GALNT17: variants seen among roughly 807,000 people sequenced by gnomAD.
GALNT17 encodes polypeptide N-acetylgalactosaminyltransferase 17.
In GALNT17, 29 loss-of-function variants were observed where a neutral mutation model predicts 63.7. That is an observed-to-expected ratio of 0.46 (90% CI 0.34 to 0.62). GALNT17 has a LOEUF of 0.62. Ranked by LOEUF, GALNT17 falls within the 20% of genes least tolerant of loss-of-function variation. The pLI, the probability that GALNT17 is intolerant of heterozygous loss-of-function variation, is 0.01. For synonymous variants in GALNT17, 305 were observed against 318.3 expected (o/e 0.96, Z 0.45); for missense variants, 603 against 799.6 (o/e 0.75, Z 2.97).
chr7:71,693,176 T>C (rs1454703372), intron 9 of GALNT17, among the ~76,000 whole-genome samples: 1 of 149,636 alleles, frequency 6.7e-6, no homozygotes, highest in Non-Finnish European at 1.5e-5. Flanking sequence ...TATACTATAA[T>C]ATAAATAGTG....
At chr7:71,173,682 A>C (rs1585857212) in intron 1 of GALNT17, among the ~76,000 whole-genome samples, 2 of 151,890 alleles carry the variant, frequency 1.3e-5, no homozygotes, top group African/African-American at 4.9e-5. Context: ...CTGAGGCAGG[A>C]GGATCGCTTG....
At chr7:71,667,756 G>T (rs2117050963) in intron 7 of GALNT17, among the ~76,000 whole-genome samples, 1 of 152,066 alleles carries the variant, frequency 6.6e-6, no homozygotes, top group Non-Finnish European at 1.5e-5. Flanking sequence ...CCCCAGCCCT[G>T]TGAAATAGTG....
At chr7:71,332,670 TG>T (rs1204863676) in intron 1 of GALNT17, among the ~76,000 whole-genome samples, 1 of 146,208 alleles carries the variant, frequency 6.8e-6, no homozygotes, top group African/African-American at 2.5e-5. Flanking sequence ...TTTGAGTTTT[TG>T]TTTGTTTTTG....
intron 1 of GALNT17, among the ~76,000 whole-genome samples, chr7:71,269,259 G>A (rs994908008): frequency 1.3e-5 from 2 of 152,110 alleles, no homozygotes; most frequent in African/African-American, 2.4e-5. Context: ...GAGGCCAGGG[G>A]TTCGAGACCA....
chr7:71,542,905 G>A (rs1281904145), intron 5 of GALNT17, among the ~76,000 whole-genome samples: 8 of 151,924 alleles, frequency 5.3e-5, no homozygotes, highest in Admixed American at 3.9e-4. Context: ...ATCCCACCTG[G>A]CAGATGTGTT....
intron 5 of GALNT17, among the ~76,000 whole-genome samples, chr7:71,565,714 G>C (rs1264313357): frequency 2.0e-5 from 3 of 152,268 alleles, no homozygotes. Flanking sequence ...AACATCTGGT[G>C]GGGTAGAAGG....
intron 5 of GALNT17, among the ~76,000 whole-genome samples, chr7:71,425,678 T>A (rs1786747060): frequency 6.7e-6 from 1 of 148,970 alleles, no homozygotes; most frequent in Non-Finnish European, 1.5e-5. Flanking sequence ...GATCTTGCCT[T>A]TACACTCAAC....
In GALNT17 at chr7:71,654,259, G is replaced by A. The variant is rs138757993; in HGVS notation, c.1081-11152G>A. On this transcript the variant is annotated intron_variant, in intron 6 of 10. Transcript: ENST00000333538. ...CTCCATCTCCTGACGTGATCCGCCC[G>A]CCTCCAGCCTTGTGATCGGCAACCG... 2.2e-4 allele frequency among the ~76,000 whole-genome samples: 34 copies of A among 152,234 alleles called. No homozygotes were observed. The East Asian group carries it at 5.4e-3, about 24-fold the overall frequency.
At chr7:71,461,639 T>C (rs901419393) in intron 5 of GALNT17, among the ~76,000 whole-genome samples, 1 of 152,158 alleles carries the variant, frequency 6.6e-6, no homozygotes, top group Non-Finnish European at 1.5e-5. Flanking sequence ...TAAATTAACA[T>C]AAAAAGTCAG....
chr7:71,166,163 T>C (rs1788437613), intron 1 of GALNT17, among the ~76,000 whole-genome samples: 1 of 152,220 alleles, frequency 6.6e-6, no homozygotes. Flanking sequence ...TGGCGCTCAA[T>C]GTAGAGCAGC....
intron 3 of GALNT17, among the ~76,000 whole-genome samples, chr7:71,389,716 CCTT>C (rs1793015121): frequency 6.6e-6 from 1 of 152,096 alleles, no homozygotes; most frequent in African/African-American, 2.4e-5. Flanking sequence ...TCTTTGTTGT[CCTT>C]CTCCAAAAAG....
chr7:71,366,205 G>C (rs1792504634), intron 2 of GALNT17, among the ~76,000 whole-genome samples: 1 of 152,130 alleles, frequency 6.6e-6, no homozygotes, highest in South Asian at 2.1e-4. Flanking sequence ...ACCTCCTGCT[G>C]TGTGACCTGG....
At chr7:71,567,945 AC>A (rs1789376519) in intron 5 of GALNT17, among the ~76,000 whole-genome samples, 1 of 152,100 alleles carries the variant, frequency 6.6e-6, no homozygotes, top group African/African-American at 2.4e-5. Flanking sequence ...GGAATCAGAA[AC>A]CTGGATGTGA....
intron 1 of GALNT17, among the ~76,000 whole-genome samples, chr7:71,209,572 T>G (rs997208764): frequency 5.8e-4 from 88 of 152,170 alleles, no homozygotes; most frequent in Non-Finnish European, 2.1e-4. Context: ...CATGGCTCAC[T>G]GCAGCCTCCA....
intron 1 of GALNT17, among the ~76,000 whole-genome samples, chr7:71,184,215 A>G (rs926045663): frequency 7.9e-5 from 12 of 152,100 alleles, no homozygotes; most frequent in African/African-American, 2.7e-4. Context: ...TTCATCTCGG[A>G]CTTCCAGTTT....
chr7:71,518,846 A>C (rs2116744774), intron 5 of GALNT17, among the ~76,000 whole-genome samples: 1 of 152,280 alleles, frequency 6.6e-6, no homozygotes. Context: ...TGCTTGGATT[A>C]GGTAAAGGGT....
intron 1 of GALNT17, among the ~76,000 whole-genome samples, chr7:71,255,141 G>T (rs1790266635): frequency 1.3e-5 from 2 of 152,178 alleles, no homozygotes; most frequent in South Asian, 4.2e-4. Flanking sequence ...GAATGGAGCT[G>T]ATAGGGTTTG....
At position 71,205,868 on chromosome 7, in the gene GALNT17, A is replaced by AT. The variant is rs543603658; in HGVS notation, c.238+72829dup. On this transcript the variant is annotated intron_variant, in intron 1 of 10. Transcript: ENST00000333538. Reference sequence around the variant, plus strand: ...TCTCCTAAGCAGTTCCTTTGATTAAATAAGTAGGTTATTTCTAACAATTTG... The same window carrying AT: ...TCTCCTAAGCAGTTCCTTTGATTAAATTAAGTAGGTTATTTCTAACAATTTG... 9.2e-4 allele frequency among the ~76,000 whole-genome samples: 140 copies of AT among 152,176 alleles called. 1 individual carries two copies. The highest frequency in any genetic ancestry group is 9.1e-3 in the East Asian group (47 of 5,182).
chr7:71,225,876 A>C (rs969588918), intron 1 of GALNT17, among the ~76,000 whole-genome samples: 1 of 152,200 alleles, frequency 6.6e-6, no homozygotes, highest in African/African-American at 2.4e-5. Flanking sequence ...TTTTGACATG[A>C]AATTATGCTT....
Sources: gnomAD v4.1 joint callset for allele counts (sites outside exome capture counted in the v4.1 genomes callset) on GRCh38, gnomAD v4.1.1 for gene constraint, MANE v1.5 for transcripts, NCBI Gene and HGNC (gene_info 2026-07-23, HGNC 2026-07-21) for gene names.